The following AOX1 variants were observed in gnomAD, a reference collection of about 807,000 sequenced individuals.
The protein encoded by AOX1 is aldehyde oxidase 1.
In AOX1, 153 loss-of-function variants were observed where a neutral mutation model predicts 169.5. The observed-to-expected ratio is 0.90, with a 90% CI of 0.79 to 1.03. The LOEUF (loss-of-function observed/expected upper bound fraction) is 1.03. AOX1 is among the 50% of genes least tolerant of loss of function. The pLI, the probability that AOX1 is intolerant of heterozygous loss-of-function variation, is 0.00. For missense variants in AOX1, 1,656 were observed against 1,663.9 expected, an observed-to-expected ratio of 1.00 and a Z score of 0.08; for synonymous variants, 562 against 581.9, an observed-to-expected ratio of 0.97 and a Z score of 0.49.
Position 200,636,944 on chromosome 2 carries a change from A to T in AOX1, c.2380A>T (p.Asn794Tyr). The change falls in exon 22 of 35, where the codon AAC (asparagine) becomes TAC (tyrosine). Residue 794 changes from asparagine to tyrosine, a missense_variant. Asn to Tyr is a moderately radical substitution (Grantham distance 143, BLOSUM62 -2). Coordinates refer to ENST00000374700, the MANE Select transcript of AOX1 (RefSeq NM_001159.4). ...TGCCTCAACCTTGAAGCTCCCAGCT[A>T]ACAAGGTCATGTGCCATGTAAGGCG... The part of the protein sequence containing the change: ...IVASTLKLPA[N>Y]KVMCHVRRVG... 1 of 1,614,104 alleles carries T rather than the reference A, an allele frequency of 6.2e-7. No individual in the cohort carries two copies. Among genetic ancestry groups the T allele is most frequent in the Non-Finnish European group, 8.5e-7 (1 of 1,179,966 alleles).
At chr2:200,665,140 A>G (rs1158131337) in intron 31 of AOX1, among the ~76,000 whole-genome samples, 1 of 152,248 alleles carries the variant, frequency 6.6e-6, no homozygotes, top group Non-Finnish European at 1.5e-5. Context: ...GGCTTCCTCC[A>G]GAGAGACCAG....
Position 200,668,714 on chromosome 2 carries a change from A to T in AOX1, c.3709A>T (p.Lys1237Ter), listed in dbSNP as rs1338522100. ...ILHTRGPDQY[K>*]IPAICDMPTE... The stretch of plus-strand genomic sequence containing the variant: ...GCACACTCGTGGTCCAGACCAATAT[A>T]AAATCCCTGCCATCTGTGACATGCC... The change falls in exon 33 of 35, where the codon AAA becomes TAA. Residue 1237 changes from lysine (K) to a stop codon, truncating the protein, a stop_gained. Coordinates refer to ENST00000374700, the MANE Select transcript of AOX1 (RefSeq NM_001159.4). LOFTEE classifies it high-confidence loss of function. The T allele has an allele frequency of 6.2e-7, 1 of 1,614,092 alleles. No homozygotes were observed. Among genetic ancestry groups the T allele is most frequent in the East Asian group, 2.2e-5 (1 of 44,902 alleles).
At chr2:200,624,935 C>T (rs372931182) in intron 19 of AOX1, among the ~76,000 whole-genome samples, 107 of 152,226 alleles carry the variant, frequency 7.0e-4, no homozygotes, top group African/African-American at 2.4e-3. Context: ...TCTGGGTGAC[C>T]GGCATGGCCT....
intron 4 of AOX1, among the ~76,000 whole-genome samples, chr2:200,598,821 G>C (rs948997441): frequency 6.6e-6 from 1 of 152,098 alleles, no homozygotes; most frequent in East Asian, 1.9e-4. Flanking sequence ...AGAAGGAAAA[G>C]ATAGGAGCAA....
At chr2:200,667,902 A>T (rs2715905) in intron 32 of AOX1, among the ~76,000 whole-genome samples, 97,797 of 151,790 alleles carry the variant, frequency 0.64, 32,081 homozygotes, top group African/African-American at 0.77. Flanking sequence ...GGATTGTAGC[A>T]TTCACTAGCA....
At chr2:200,671,702 C>T (rs745488039), downstream of AOX1, among the ~76,000 whole-genome samples, 1 of 152,058 alleles carries the variant, frequency 6.6e-6, no homozygotes, top group Non-Finnish European at 1.5e-5. Context: ...TTATCCATTG[C>T]AGGGGGCAGT....
rs768180130 is a variant in AOX1 at position 200,595,258 on chromosome 2, T to C, written c.104-14T>C. 17 of 1,607,008 alleles carry C rather than the reference T, an allele frequency of 1.1e-5. No homozygotes were observed. The highest frequency in any genetic ancestry group is 1.3e-5 in the African/African-American group (1 of 74,764). On this transcript the variant is annotated splice_polypyrimidine_tract_variant and intron_variant, in intron 2 of 34. Coordinates refer to ENST00000374700, the MANE Select transcript of AOX1 (RefSeq NM_001159.4). The stretch of plus-strand genomic sequence containing the variant: ...TTACATAACACATATGATCTTTAAC[T>C]ATACCTCTTCCAGTTCGACTCACAG...
At chr2:200,659,651 T>C (rs1292517003) in intron 28 of AOX1, among the ~76,000 whole-genome samples, 1 of 152,226 alleles carries the variant, frequency 6.6e-6, no homozygotes, top group Non-Finnish European at 1.5e-5. Flanking sequence ...GCTCTAGCTT[T>C]CTGCTGCCGG....
chr2:200,628,789 T>G (rs1234449369), intron 20 of AOX1, among the ~76,000 whole-genome samples: 1 of 151,956 alleles, frequency 6.6e-6, no homozygotes, highest in African/African-American at 2.4e-5. Flanking sequence ...ATTCCAGGCG[T>G]GGTGGTGGGA....
rs759107827 is a variant in AOX1 at position 200,642,790 on chromosome 2, T to C, written c.2836T>C (p.Ser946Pro). ...ITEVAAKCGL[S>P]PEKVRIINMY... ...GGAAGTTGCAGCCAAATGTGGACTA[T>C]CCCCTGAGAAGGTAATACTAAATCA... The change falls in exon 25 of 35, where the codon TCC becomes CCC. Residue 946 changes from serine (S) to proline (P), a missense_variant. Transcript: ENST00000374700. The C allele has an allele frequency of 1.9e-5, 31 of 1,612,954 alleles. No individual in the cohort carries two copies. Among genetic ancestry groups the C allele is most frequent in the Middle Eastern group, 3.3e-4 (2 of 6,050 alleles).
chr2:200,636,632 C>G (rs1437146171), intron 21 of AOX1, among the ~76,000 whole-genome samples: 1 of 152,110 alleles, frequency 6.6e-6, no homozygotes, highest in Non-Finnish European at 1.5e-5. Flanking sequence ...GAAAACACTA[C>G]TAATTAGTTT....
At chr2:200,669,957 C>A (rs1220502214) in intron 34 of AOX1, among the ~76,000 whole-genome samples, 3 of 152,022 alleles carry the variant, frequency 2.0e-5, no homozygotes, top group African/African-American at 7.3e-5. Context: ...TGCTTGGCTC[C>A]ATTCTATACT....
At chr2:200,679,616 T>A (rs1398015307), downstream of AOX1, among the ~76,000 whole-genome samples, 2 of 152,070 alleles carry the variant, frequency 1.3e-5, no homozygotes, top group African/African-American at 4.8e-5. Flanking sequence ...CTTATTACAC[T>A]TCCATAAAAA....
chr2:200,594,487 A>G (rs2034238551), intron 2 of AOX1, among the ~76,000 whole-genome samples: 1 of 152,160 alleles, frequency 6.6e-6, no homozygotes, highest in Non-Finnish European at 1.5e-5. Flanking sequence ...TTGTTGAGGA[A>G]CCAAGCAGCA....
chr2:200,623,065 T>C (rs1023023762), intron 18 of AOX1, among the ~76,000 whole-genome samples: 13 of 152,252 alleles, frequency 8.5e-5, no homozygotes, highest in Admixed American at 2.0e-4. Context: ...TTTATGTTCA[T>C]TGTGGAAAAG....
intron 31 of AOX1, 144 bp from the exon 32 acceptor site, chr2:200,666,543 T>C (rs1383139001): frequency 1.1e-4 from 52 of 470,188 alleles, no homozygotes; most frequent in Non-Finnish European, 7.3e-6. Flanking sequence ...TGTCCTATAA[T>C]AAAATCTTTG....
intron 3 of AOX1, 82 bp from the exon 4 acceptor site, chr2:200,597,315 G>A: frequency 1.0e-6 from 1 of 961,054 alleles, no homozygotes; most frequent in Non-Finnish European, 1.5e-6. Flanking sequence ...TGCCACAGTG[G>A]AGAAGCTCAG....
At position 200,666,772 on chromosome 2, in the gene AOX1, C is replaced by T. The variant is rs1678317391; in HGVS notation, c.3609+20C>T. The T allele has an allele frequency of 3.8e-6, 6 of 1,592,574 alleles. No homozygotes were observed. Among genetic ancestry groups the T allele is most frequent in the Non-Finnish European group, 4.3e-6 (5 of 1,169,224 alleles). ...GGCCAGGTACGTGTAACTGATGTGT[C>T]TCACTTTCTATTTGTAAAAGCCAAA... On this transcript the variant is annotated intron_variant, in intron 32 of 34. Transcript: ENST00000374700.
chr2:200,604,889 TTGGGATGGGGCCGGGG>T, intron 9 of AOX1, 49 bp downstream of exon 9: 1 of 1,533,920 alleles, frequency 6.5e-7, no homozygotes, highest in Non-Finnish European at 9.0e-7. Flanking sequence ...GAAAAAGGGC[TTGGGATGGGGCCGGGG>T]TGGGCTGGGG....
Sources: allele counts gnomAD v4.1 joint callset (sites outside exome capture counted in the v4.1 genomes callset), GRCh38; gene constraint gnomAD v4.1.1; transcripts MANE v1.5; gene names NCBI Gene and HGNC (gene_info 2026-07-23, HGNC 2026-07-21).